NCKAP5: variants seen among roughly 807,000 people sequenced by gnomAD.
NCKAP5 encodes the protein NCK associated protein 5, also known as nck-associated protein 5.
A neutral mutation model predicts 167.0 loss-of-function variants in NCKAP5; 92 were observed. The ratio of observed to expected loss-of-function variants is 0.55; its 90% confidence interval spans 0.47 to 0.66. The LOEUF (loss-of-function observed/expected upper bound fraction) is 0.66, where lower values mean the gene tolerates loss of function less well. NCKAP5 is among the 30% of genes least tolerant of loss of function. The pLI is 0.00. For synonymous variants in NCKAP5, 891 were observed against 877.4 expected (o/e 1.02, Z -0.27); for missense variants, 2,378 against 2,315.0 (o/e 1.03, Z -0.56).
Position 133,517,442 on chromosome 2 carries a change from A to C in NCKAP5, c.69+16T>G, listed in dbSNP as rs1170147791. 1 of 1,395,816 alleles carries C rather than the reference A, an allele frequency of 7.2e-7. No individual in the cohort carries two copies. The highest frequency in any genetic ancestry group is 1.6e-5 in the South Asian group (1 of 62,548). The allele number at this position is 1,395,816 out of a possible 1,614,324, so 86.5% of individuals were successfully genotyped here. ...GCCAAAACATATAGAGTGGTAAATG[A>C]ATATTTAGTACTTACCACAAGACTG... On this transcript the variant is annotated intron_variant, in intron 3 of 19. Transcript: ENST00000409261.
At chr2:132,709,636 C>T (rs1558952842) in intron 19 of NCKAP5, among the ~76,000 whole-genome samples, 2 of 151,852 alleles carry the variant, frequency 1.3e-5, no homozygotes. Context: ...ATTGATAGTG[C>T]AATAAAGCCT....
intron 16 of NCKAP5, among the ~76,000 whole-genome samples, chr2:132,746,352 G>A (rs1434553405): frequency 6.6e-6 from 1 of 151,998 alleles, no homozygotes; most frequent in Non-Finnish European, 1.5e-5. Flanking sequence ...ATACTCATCT[G>A]AAGAAAAGTA....
chr2:133,134,956 C>T (rs887437423), intron 5 of NCKAP5, among the ~76,000 whole-genome samples: 2 of 152,170 alleles, frequency 1.3e-5, no homozygotes, highest in African/African-American at 2.4e-5. Context: ...AACATGGAGT[C>T]GTTTACTTAC....
At chr2:133,393,837 T>C (rs556939166) in intron 3 of NCKAP5, among the ~76,000 whole-genome samples, 1 of 152,164 alleles carries the variant, frequency 6.6e-6, no homozygotes, top group Non-Finnish European at 1.5e-5. Context: ...GGAAGGAAAA[T>C]TGCTGTGCTT....
chr2:133,000,356 C>G (rs2077737361), intron 6 of NCKAP5, among the ~76,000 whole-genome samples: 1 of 152,166 alleles, frequency 6.6e-6, no homozygotes, highest in African/African-American at 2.4e-5. Flanking sequence ...GCATCCCTCC[C>G]TTACCCTAGG....
intron 9 of NCKAP5, among the ~76,000 whole-genome samples, chr2:132,875,553 C>A (rs1390104542): frequency 6.6e-6 from 1 of 152,178 alleles, no homozygotes; most frequent in Non-Finnish European, 1.5e-5. Flanking sequence ...TAAAGGTTTG[C>A]AGGATACAAC....
chr2:133,617,958 A>G, the NCKAP5 span, among the ~76,000 whole-genome samples: 1 of 152,158 alleles, frequency 6.6e-6, no homozygotes, highest in African/African-American at 2.4e-5. Context: ...AAACAGAGAT[A>G]TAGATCAATG....
intron 2 of NCKAP5, among the ~76,000 whole-genome samples, chr2:133,535,165 T>C (rs181466842): frequency 1.3e-5 from 2 of 152,312 alleles, no homozygotes; most frequent in Admixed American, 6.5e-5. Flanking sequence ...ATTCAGGAGA[T>C]ACATATGCAA....
chr2:132,994,070 T>G, intron 7 of NCKAP5, 82 bp downstream of exon 7: 1 of 999,190 alleles, frequency 1.0e-6, no homozygotes, highest in Non-Finnish European at 1.4e-6. Flanking sequence ...TATTTATCTC[T>G]GGGTTAGAGA....
intron 6 of NCKAP5, among the ~76,000 whole-genome samples, chr2:133,071,767 C>T (rs2080414265): frequency 6.6e-6 from 1 of 152,112 alleles, no homozygotes; most frequent in South Asian, 2.1e-4. Context: ...TTTCAGGGTA[C>T]CATATGCTTT....
chr2:133,501,703 C>T (rs1279300462), intron 3 of NCKAP5, among the ~76,000 whole-genome samples: 2 of 152,268 alleles, frequency 1.3e-5, no homozygotes, highest in East Asian at 3.9e-4. Flanking sequence ...TGATTTGATT[C>T]GTTCTTCTGT....
upstream of NCKAP5, among the ~76,000 whole-genome samples, chr2:133,569,801 T>C (rs1223399300): frequency 6.6e-6 from 1 of 152,212 alleles, no homozygotes; most frequent in South Asian, 2.1e-4. Context: ...TATGCTACTT[T>C]CATGTGGGAA....
At chr2:133,654,878 T>C in the NCKAP5 span, among the ~76,000 whole-genome samples, 3 of 152,150 alleles carry the variant, frequency 2.0e-5, no homozygotes, top group African/African-American at 7.2e-5. Context: ...TGCCATAACC[T>C]TTAACTGGGG....
chr2:133,132,687 T>C (rs899841442), intron 5 of NCKAP5, among the ~76,000 whole-genome samples: 110 of 151,364 alleles, frequency 7.3e-4, no homozygotes, highest in African/African-American at 2.6e-3. Flanking sequence ...TTTTTTTTTT[T>C]TTTTTTGGAG....
intron 3 of NCKAP5, among the ~76,000 whole-genome samples, chr2:133,387,052 G>T (rs923613522): frequency 6.6e-6 from 1 of 152,136 alleles, no homozygotes; most frequent in African/African-American, 2.4e-5. Flanking sequence ...TACATTTAAG[G>T]TTAATATAGT....
intron 2 of NCKAP5, among the ~76,000 whole-genome samples, chr2:133,547,653 C>G (rs1411817306): frequency 1.3e-5 from 2 of 151,590 alleles, no homozygotes; most frequent in Admixed American, 6.6e-5. Context: ...TCCAACAGAC[C>G]TACAGCTGAG....
In NCKAP5 at chr2:132,783,755, C is replaced by T. The variant is rs377381048; in HGVS notation, c.3056G>A (p.Arg1019Gln). The change falls in exon 14 of 20, where the codon CGA becomes CAA. Residue 1019 changes from arginine (R) to glutamine (Q), a missense_variant. Coordinates refer to ENST00000409261, the MANE Select transcript of NCKAP5 (RefSeq NM_207363.3). ...GCTGGAGGGGGCATGAGCAGGGCAT[C>T]GGGTTTGAATGACTGCTTCTGGGGA... ...MPSPEAVIQT[R>Q]CPAHAPSSSF... 3.6e-5 allele frequency: 58 copies of T among 1,594,920 alleles called. No homozygotes were observed. In the Middle Eastern group the frequency reaches 6.7e-4, roughly 18 times the overall value.
the NCKAP5 span, among the ~76,000 whole-genome samples, chr2:133,608,588 C>T: frequency 1.3e-5 from 2 of 152,154 alleles, no homozygotes; most frequent in Non-Finnish European, 2.9e-5. Context: ...GAACCTTATC[C>T]TTCTCCAAGT....
rs1415259916 is a variant in NCKAP5, at chr2:133,055,496, T to A, written c.342-61257A>T. On this transcript the variant is annotated intron_variant, in intron 6 of 19. Transcript: ENST00000409261. ...TGTATATATATATATATATAGTTTA[T>A]ATATATATGAATAGTTTATATATAT... Among the ~76,000 whole-genome samples the A allele has an allele frequency of 2.0e-5, 3 of 150,006 alleles. No individual in the cohort carries two copies. In the East Asian group the frequency reaches 5.8e-4, roughly 29 times the overall value.
Sources: allele counts gnomAD v4.1 joint callset (sites outside exome capture counted in the v4.1 genomes callset), GRCh38; gene constraint gnomAD v4.1.1; transcripts MANE v1.5; gene names NCBI Gene and HGNC (gene_info 2026-07-23, HGNC 2026-07-21).